VIPR2: variants seen among roughly 807,000 people sequenced by gnomAD.
The protein encoded by VIPR2 is vasoactive intestinal peptide receptor 2, also known as vasoactive intestinal polypeptide receptor 2.
A neutral mutation model predicts 58.0 loss-of-function variants in VIPR2; 48 were observed. The ratio of observed to expected loss-of-function variants is 0.83; its 90% confidence interval spans 0.66 to 1.05. The LOEUF (loss-of-function observed/expected upper bound fraction) is 1.05. Ranked by LOEUF, VIPR2 falls within the 50% of genes least tolerant of loss-of-function variation. VIPR2 has a pLI of 0.00. For synonymous variants in VIPR2, 243 were observed against 235.2 expected (o/e 1.03, Z -0.30); for missense variants, 534 against 558.0 (o/e 0.96, Z 0.43).
In VIPR2 at chr7:159,097,104, G is replaced by A. The variant is rs1159942852; in HGVS notation, c.357+6653C>T. 6.7e-7 allele frequency: 1 copy of A among 1,503,482 alleles called. No homozygotes were observed. The highest frequency in any genetic ancestry group is 1.3e-5 in the South Asian group (1 of 78,198). 93.1% of individuals were successfully genotyped at this position (1,503,482 alleles called of 1,614,324 possible). A position where few individuals can be genotyped will look rare whatever the true frequency, so the allele number is the denominator to read the frequency against. ...GTGTGTCCTTGCAGGGTTGCAGGAG[G>A]GTTGGCGGGATGATCAGATGGTGCC... On this transcript the variant is annotated intron_variant, in intron 4 of 12. Coordinates refer to ENST00000262178, the MANE Select transcript of VIPR2 (RefSeq NM_003382.5). The surrounding 1 kb of genome is among the most constrained non-coding windows in gnomAD (Gnocchi z 5.3).
rs1364056775 is a variant in VIPR2 at position 159,099,403 on chromosome 7, T to TC, written c.357+4353dup. ...GCTTGCCACGTGTCCCTGGGATGCC[T>TC]CACAGGGTGTGCCCAGGAGGAGACA... is the stretch of plus-strand genomic sequence containing the variant. On this transcript the variant is annotated intron_variant, in intron 4 of 12. Coordinates refer to ENST00000262178, the MANE Select transcript of VIPR2 (RefSeq NM_003382.5). The surrounding 1 kb of genome is among the most constrained non-coding windows in gnomAD (Gnocchi z 4.2). Among the ~76,000 whole-genome samples the TC allele has an allele frequency of 6.6e-6, 1 of 152,126 alleles. No individual in the cohort carries two copies. Among genetic ancestry groups the TC allele is most frequent in the Admixed American group, 6.5e-5 (1 of 15,278 alleles).
At chr7:159,034,999 C>T (rs1853839054) in intron 8 of VIPR2, among the ~76,000 whole-genome samples, 1 of 152,142 alleles carries the variant, frequency 6.6e-6, no homozygotes, top group Admixed American at 6.5e-5. Context: ...TTAGCTTCCC[C>T]TCACCTCCCG....
At chr7:159,038,179 CT>C (rs1854091840) in intron 6 of VIPR2, among the ~76,000 whole-genome samples, 1 of 152,130 alleles carries the variant, frequency 6.6e-6, no homozygotes, top group African/African-American at 2.4e-5. Context: ...CAGGCTGTCC[CT>C]GGCCTCCCCT....
In VIPR2 at chr7:159,096,957, C is replaced by A; in HGVS notation, c.357+6800G>T. ...TCGTGGCTGGCATTGAGCTTGGCAC[C>A]TGCTGGGCCTGAGGACCATGAGGGG... On this transcript the variant is annotated intron_variant, in intron 4 of 12. Transcript: ENST00000262178. This position sits in a 1 kb window ranked among gnomAD's most constrained non-coding sequence, Gnocchi z 5.5. 1.3e-6 allele frequency: 2 copies of A among 1,550,664 alleles called. No individual in the cohort carries two copies. Among genetic ancestry groups the A allele is most frequent in the Non-Finnish European group, 1.7e-6 (2 of 1,147,014 alleles).
Position 159,031,967 on chromosome 7 carries a change from G to T in VIPR2, c.1072C>A (p.Leu358Met). Residue 358 changes from leucine to methionine, a missense_variant, in exon 11 of 13, where the codon CTG becomes ATG. Physicochemically the swap from Leu to Met is conservative, Grantham distance 15. Coordinates refer to ENST00000262178, the MANE Select transcript of VIPR2 (RefSeq NM_003382.5). This position sits in a 1 kb window ranked among gnomAD's most constrained non-coding sequence, Gnocchi z 4.0. ...PISISSKYQI[L>M]FELCLGSFQG... is the part of the protein sequence containing the mutation. ...AACGACCCGAGGCACAGCTCAAACA[G>T]TATCTGGTATTTGGAGGAGATGCTG... The T allele has an allele frequency of 1.2e-6, 2 of 1,614,202 alleles. No individual in the cohort carries two copies. Among genetic ancestry groups the T allele is most frequent in the South Asian group, 2.2e-5 (2 of 91,088 alleles).
chr7:159,096,756 G>A lies in VIPR2; in HGVS notation c.357+7001C>T. On this transcript the variant is annotated intron_variant, in intron 4 of 12. Transcript: ENST00000262178. The surrounding 1 kb of genome is among the most constrained non-coding windows in gnomAD (Gnocchi z 5.5). ...TGACAGCTGAATGATTTCTGCCTGTGGCCAGATTTCTGCCCCTGCCTGAGG... is the reference window on the plus strand; with the variant it reads ...TGACAGCTGAATGATTTCTGCCTGTAGCCAGATTTCTGCCCCTGCCTGAGG... 7.1e-7 allele frequency: 1 copy of A among 1,402,038 alleles called. No individual in the cohort carries two copies. The highest frequency in any genetic ancestry group is 1.4e-5 in the African/African-American group (1 of 69,376). 86.8% of individuals were successfully genotyped at this position (1,402,038 alleles called of 1,614,324 possible). A position where few individuals can be genotyped will look rare whatever the true frequency, so the allele number is the denominator to read the frequency against.
At chr7:159,085,497 T>C (rs1585448357) in intron 4 of VIPR2, among the ~76,000 whole-genome samples, 1 of 152,138 alleles carries the variant, frequency 6.6e-6, no homozygotes, top group Non-Finnish European at 1.5e-5. Flanking sequence ...GGTTGCACCA[T>C]GTTGGTCAGG....
chr7:159,123,117 ACT>A (rs1462144444), intron 2 of VIPR2, among the ~76,000 whole-genome samples: 1 of 151,634 alleles, frequency 6.6e-6, no homozygotes. Flanking sequence ...ACATGGTGAA[ACT>A]CTGTCTCTGC....
chr7:159,134,141 C>T (rs1261221242), intron 2 of VIPR2, among the ~76,000 whole-genome samples: 4 of 152,130 alleles, frequency 2.6e-5, no homozygotes, highest in Non-Finnish European at 4.4e-5. Flanking sequence ...GAAGTTTAAG[C>T]TCAAGTATTT....
In VIPR2 at chr7:159,031,268, C is replaced by CTGG. The variant is rs2129492686; in HGVS notation, c.1144-482_1144-480dup. Reference sequence around the variant, plus strand: ...CGGGCTCAGCTTTGCAGAAGCCGTGCTGGTGAAAGCTGCATGTCAAGCAAA... The same window carrying CTGG: ...CGGGCTCAGCTTTGCAGAAGCCGTGCTGGTGGTGAAAGCTGCATGTCAAGCAAA... On this transcript the variant is annotated intron_variant, in intron 12 of 12. Coordinates refer to ENST00000262178, the MANE Select transcript of VIPR2 (RefSeq NM_003382.5). The surrounding 1 kb of genome is among the most constrained non-coding windows in gnomAD (Gnocchi z 4.0). Among the ~76,000 whole-genome samples the CTGG allele has an allele frequency of 6.7e-6, 1 of 150,308 alleles. No homozygotes were observed. Among genetic ancestry groups the CTGG allele is most frequent in the East Asian group, 2.0e-4 (1 of 4,936 alleles).
intron 1 of VIPR2, chr7:159,144,311 G>C: frequency 6.6e-7 from 1 of 1,512,558 alleles, no homozygotes; most frequent in Non-Finnish European, 8.9e-7. Context: ...TAAGTACAGG[G>C]AGGGACCGAG....
chr7:159,072,477 T>C (rs1004319364), intron 4 of VIPR2, among the ~76,000 whole-genome samples: 6 of 152,174 alleles, frequency 3.9e-5, no homozygotes, highest in Admixed American at 2.0e-4. Context: ...CTTAAATACC[T>C]TTCTTAATAA....
At chr7:159,074,613 A>G (rs1257948783) in intron 4 of VIPR2, among the ~76,000 whole-genome samples, 2 of 152,222 alleles carry the variant, frequency 1.3e-5, no homozygotes, top group Non-Finnish European at 2.9e-5. Context: ...CACCCAGCCT[A>G]TGATATTTGG....
chr7:159,057,654 T>A (rs1047976483), intron 5 of VIPR2, among the ~76,000 whole-genome samples: 2 of 152,220 alleles, frequency 1.3e-5, no homozygotes, highest in African/African-American at 4.8e-5. Context: ...ATACATAGAA[T>A]AAGCTGAATA....
Position 159,067,643 on chromosome 7 carries a change from G to T in VIPR2, c.358-9065C>A, listed in dbSNP as rs1585407145. Among the ~76,000 whole-genome samples the T allele has an allele frequency of 2.0e-5, 3 of 152,318 alleles. No individual in the cohort carries two copies. The South Asian group carries it at 6.2e-4, about 32-fold the overall frequency. On this transcript the variant is annotated intron_variant, in intron 4 of 12. Coordinates refer to ENST00000262178, the MANE Select transcript of VIPR2 (RefSeq NM_003382.5). ...ACCATGATTTCCTACTAGAAAGAAAGAATAATCCAGCAGGAAGTGTTCATG... is the reference window on the plus strand; with the variant it reads ...ACCATGATTTCCTACTAGAAAGAAATAATAATCCAGCAGGAAGTGTTCATG...
chr7:159,082,021 T>A (rs975318683), intron 4 of VIPR2, among the ~76,000 whole-genome samples: 2 of 152,230 alleles, frequency 1.3e-5, no homozygotes, highest in Non-Finnish European at 2.9e-5. Flanking sequence ...TTGGTGGGAC[T>A]GTAAACTAGT....
rs1858035002 is a variant in VIPR2, at chr7:159,098,910, GA to G, written c.357+4846del. ...GACGAAGCGTGAGCTCCGGGCAGGA[GA>G]AACTCTGTTCAGTTCAGCTCCCAGG... On this transcript the variant is annotated intron_variant, in intron 4 of 12. Transcript: ENST00000262178. This position sits in a 1 kb window ranked among gnomAD's most constrained non-coding sequence, Gnocchi z 5.2. Among the ~76,000 whole-genome samples, 2 of 152,250 alleles carry G rather than the reference GA, an allele frequency of 1.3e-5. No homozygotes were observed. The highest frequency in any genetic ancestry group is 4.8e-5 in the African/African-American group (2 of 41,478).
chr7:159,035,759 G>C (rs1038494642), intron 8 of VIPR2, 193 bp downstream of exon 8: 7 of 985,258 alleles, frequency 7.1e-6, no homozygotes, highest in Admixed American at 6.2e-5. Flanking sequence ...TCTCCTGCAC[G>C]GGGCTTCCTC....
At chr7:159,063,305 G>A (rs766755824) in intron 4 of VIPR2, among the ~76,000 whole-genome samples, 13 of 152,248 alleles carry the variant, frequency 8.5e-5, no homozygotes, top group African/African-American at 2.2e-4. Flanking sequence ...CTGAGGCCCC[G>A]CGAGAATTCG....
Sources: gnomAD v4.1 joint callset for allele counts (sites outside exome capture counted in the v4.1 genomes callset) on GRCh38, gnomAD v4.1.1 for gene constraint, Gnocchi (gnomAD v3.1) non-coding constraint, MANE v1.5 for transcripts, NCBI Gene and HGNC (gene_info 2026-07-23, HGNC 2026-07-21) for gene names.